Variants in CHMP7 observed in about 807,000 individuals in gnomAD.
CHMP7 encodes charged multivesicular body protein 7, also known as CHMP family, member 7.
A neutral mutation model predicts 53.7 loss-of-function variants in CHMP7; 15 were observed. The observed-to-expected ratio is 0.28, with a 90% confidence interval of 0.19 to 0.43. CHMP7 has a LOEUF of 0.43. Among genes scored for constraint, CHMP7 ranks in the 20% least tolerant of loss-of-function variants. The pLI, the probability that CHMP7 is intolerant of heterozygous loss-of-function variation, is 1.00. For missense variants in CHMP7, 527 were observed against 569.4 expected (o/e 0.93, Z 0.76); for synonymous variants, 261 against 228.0 (o/e 1.14, Z -1.30).
intron 2 of CHMP7, chr8:23,248,218 G>C: frequency 2.2e-6 from 1 of 456,228 alleles, no homozygotes; most frequent in Non-Finnish European, 4.4e-6. Context: ...GAAGGGACCA[G>C]AATGGGCCTC....
intron 2 of CHMP7, among the ~76,000 whole-genome samples, chr8:23,248,393 G>T (rs1447705026): frequency 6.6e-6 from 1 of 152,182 alleles, no homozygotes; most frequent in East Asian, 1.9e-4. Flanking sequence ...CTCCACGGAG[G>T]CGACGTGGCA....
intron 3 of CHMP7, among the ~76,000 whole-genome samples, chr8:23,251,189 G>C (rs1332331505): frequency 2.0e-5 from 3 of 152,172 alleles, no homozygotes; most frequent in South Asian, 2.1e-4. Context: ...GGCAAACAAA[G>C]AAAGCCTGCT....
rs989943762 is a variant in CHMP7, at chr8:23,249,180, A to G, written c.300-30A>G. On this transcript the variant is annotated intron_variant, in intron 2 of 10. Coordinates refer to ENST00000397677, the MANE Select transcript of CHMP7 (RefSeq NM_152272.5). ...GGAATGGGACATTGCATTAAGTGCT[A>G]CTACACGCCCTTCTTTTTCTTCCCT... 3.9e-6 allele frequency: 6 copies of G among 1,537,526 alleles called. No individual in the cohort carries two copies. In the South Asian group the frequency reaches 6.4e-5, roughly 16 times the overall value.
rs186113020 is a variant in CHMP7 at position 23,248,374 on chromosome 8, A to C, written c.300-836A>C. Among the ~76,000 whole-genome samples, 65 of 152,232 alleles carry C rather than the reference A, an allele frequency of 4.3e-4. 1 individual carries two copies. In the Middle Eastern group the frequency reaches 0.017, roughly 40 times the overall value. On this transcript the variant is annotated intron_variant, in intron 2 of 10. Coordinates refer to ENST00000397677, the MANE Select transcript of CHMP7 (RefSeq NM_152272.5). The stretch of plus-strand genomic sequence containing the variant: ...CCTGGGTCCTGAAGAATTTCTGAGG[A>C]TGATACTTCTCCACGGAGGCGACGT...
At chr8:23,257,826 T>G (rs1344670253) in intron 5 of CHMP7, among the ~76,000 whole-genome samples, 1 of 152,206 alleles carries the variant, frequency 6.6e-6, no homozygotes, top group African/African-American at 2.4e-5. Context: ...TTATCCTTAG[T>G]CAGCCTGCTT....
chr8:23,258,820 A>T lies in CHMP7; in HGVS notation c.1049A>T (p.Gln350Leu). 6.2e-7 allele frequency: 1 copy of T among 1,606,142 alleles called. No homozygotes were observed. The highest frequency in any genetic ancestry group is 8.5e-7 in the Non-Finnish European group (1 of 1,172,968). Residue 350 changes from glutamine to leucine, a missense_variant, in exon 8 of 11, where the codon CAG (glutamine) becomes CTG (leucine). Gln to Leu is a moderately radical substitution (Grantham distance 113). Transcript: ENST00000397677. ...GAGAAGGCAGAGAGCCTCGTGGATCAGATCCAAGAGGTACAGAAAGGGGCC... is the reference window on the plus strand; with the variant it reads ...GAGAAGGCAGAGAGCCTCGTGGATCTGATCCAAGAGGTACAGAAAGGGGCC... ...TVEKAESLVD[Q>L]IQELCDTQDE...
At chr8:23,254,857 G>C in intron 3 of CHMP7, 1 of 325,180 alleles carries the variant, frequency 3.1e-6, no homozygotes, top group South Asian at 3.0e-5. Context: ...TAGTGAGGCT[G>C]TGACTGGCCC....
intron 9 of CHMP7, among the ~76,000 whole-genome samples, chr8:23,259,741 G>C (rs1337935785): frequency 6.6e-6 from 1 of 152,126 alleles, no homozygotes; most frequent in Non-Finnish European, 1.5e-5. Flanking sequence ...TGCTTTTCCG[G>C]GTGCAGGCAG....
chr8:23,249,312 T>G lies in CHMP7; in HGVS notation c.402T>G (p.Thr134=), dbSNP rs1801829758. The G allele has an allele frequency of 6.2e-7, 1 of 1,613,398 alleles. No individual in the cohort carries two copies. The highest frequency in any genetic ancestry group is 8.5e-7 in the Non-Finnish European group (1 of 1,179,752). The change falls in exon 3 of 11, where the codon ACT becomes ACG. Residue 134 remains threonine, a synonymous_variant. Coordinates refer to ENST00000397677, the MANE Select transcript of CHMP7 (RefSeq NM_152272.5). ...TCCTGCTGAAGCCTCTCAAGTGGAC[T>G]CTTTCTAACATGCTGGGAGATAATA... ...GVFLLKPLKW[T]LSNMLGDNKV...
intron 9 of CHMP7, 161 bp from the exon 10 acceptor site, chr8:23,259,982 CT>C: frequency 1.6e-6 from 1 of 608,372 alleles, no homozygotes; most frequent in Non-Finnish European, 2.9e-6. Flanking sequence ...AGAATCATCT[CT>C]GCTTGAAGCT....
chr8:23,255,772 T>C (rs1289689316), intron 4 of CHMP7, among the ~76,000 whole-genome samples: 1 of 7,052 alleles, frequency 1.4e-4, no homozygotes, highest in Non-Finnish European at 0.012. Flanking sequence ...CTTATTGTAC[T>C]TTTTTTTTTT....
In CHMP7 at chr8:23,255,447, C is replaced by T. The variant is rs1236449515; in HGVS notation, c.657+15C>T. On this transcript the variant is annotated intron_variant, in intron 4 of 10. Transcript: ENST00000397677. ...ACGGGGAGAAGGTATGGAGGCTCAT[C>T]TGTTCATTCACTGACTCAGCAGTGA... 1.2e-6 allele frequency: 2 copies of T among 1,611,722 alleles called. No individual in the cohort carries two copies. The highest frequency in any genetic ancestry group is 1.7e-6 in the Non-Finnish European group (2 of 1,177,800).
intron 2 of CHMP7, 149 bp downstream of exon 2, chr8:23,247,143 G>A (rs950604757): frequency 1.6e-5 from 12 of 759,184 alleles, no homozygotes; most frequent in South Asian, 4.6e-5. Flanking sequence ...AGAAGGCGAA[G>A]AAGGAAAATA....
intron 5 of CHMP7, 48 bp downstream of exon 5, chr8:23,256,641 C>G: frequency 1.3e-6 from 2 of 1,563,454 alleles, no homozygotes; most frequent in Non-Finnish European, 8.7e-7. Context: ...TTGCTGGCCC[C>G]CAGAGCCAGC....
chr8:23,253,387 A>G (rs11135714), intron 3 of CHMP7, among the ~76,000 whole-genome samples: 113,202 of 152,208 alleles, frequency 0.74, 43,920 homozygotes, highest in South Asian at 0.93. Flanking sequence ...GGGTTCAAGC[A>G]ATTCTCCTGC....
At chr8:23,250,841 G>C (rs1182351443) in intron 3 of CHMP7, among the ~76,000 whole-genome samples, 3 of 152,146 alleles carry the variant, frequency 2.0e-5, no homozygotes, top group Non-Finnish European at 4.4e-5. Context: ...CACCTTGAGA[G>C]ACTCCAGCCC....
intron 3 of CHMP7, chr8:23,252,503 G>A (rs1052650236): frequency 1.3e-5 from 2 of 152,012 alleles, no homozygotes; most frequent in Non-Finnish European, 2.9e-5. Flanking sequence ...TATCTTTTAT[G>A]TTAATCTGTA....
intron 3 of CHMP7, among the ~76,000 whole-genome samples, chr8:23,252,754 G>A (rs1801982030): frequency 6.6e-6 from 1 of 152,056 alleles, no homozygotes; most frequent in Non-Finnish European, 1.5e-5. Flanking sequence ...AATTTTTTCC[G>A]TTTACATTTC....
intron 3 of CHMP7, chr8:23,255,027 A>C: frequency 1.7e-6 from 1 of 586,954 alleles, no homozygotes; most frequent in Non-Finnish European, 3.1e-6. Context: ...GGCTCCCAGC[A>C]TCTCATGTGC....
Sources: allele counts gnomAD v4.1 joint callset (sites outside exome capture counted in the v4.1 genomes callset), GRCh38; gene constraint gnomAD v4.1.1; transcripts MANE v1.5; gene names NCBI Gene and HGNC (gene_info 2026-07-23, HGNC 2026-07-21).